The following CMSS1 variants were observed in gnomAD, a reference collection of about 807,000 sequenced individuals.
The protein encoded by CMSS1 is protein CMSS1.
Under a neutral mutation model 43.5 loss-of-function variants are expected in CMSS1, and 33 were observed. The ratio of observed to expected loss-of-function variants is 0.76; its 90% CI spans 0.57 to 1.01. CMSS1 has a LOEUF of 1.01. Ranked by LOEUF, CMSS1 falls within the 50% of genes least tolerant of loss-of-function variation. The probability of loss-of-function intolerance (pLI) is 0.00; values close to 1 mark genes in which losing one functional copy is unlikely to be tolerated. For missense variants in CMSS1, 313 were observed against 326.4 expected, an observed-to-expected ratio of 0.96 and a Z score of 0.32; for synonymous variants, 115 against 117.2, an observed-to-expected ratio of 0.98 and a Z score of 0.12.
intron 1 of CMSS1, among the ~76,000 whole-genome samples, chr3:100,033,265 G>C (rs887720549): frequency 3.3e-5 from 5 of 152,086 alleles, no homozygotes; most frequent in Admixed American, 1.3e-4. Flanking sequence ...TTCCAGGCAG[G>C]CTGCATCCTT....
chr3:100,116,473 G>A (rs1289574622), intron 1 of CMSS1, among the ~76,000 whole-genome samples: 1 of 152,026 alleles, frequency 6.6e-6, no homozygotes, highest in East Asian at 1.9e-4. Context: ...TAAGCATCTT[G>A]TACTTTCTGT....
At chr3:99,849,466 C>A (rs1368987126) in intron 1 of CMSS1, 1 of 1,613,784 alleles carries the variant, frequency 6.2e-7, no homozygotes, top group East Asian at 2.2e-5. Context: ...CTGGAGGTGA[C>A]ATATTAGGTC....
At chr3:99,870,875 C>G (rs1173117254) in intron 1 of CMSS1, among the ~76,000 whole-genome samples, 1 of 152,176 alleles carries the variant, frequency 6.6e-6, no homozygotes, top group African/African-American at 2.4e-5. Context: ...AGGCCTTCAC[C>G]TGAGGCACAG....
intron 1 of CMSS1, among the ~76,000 whole-genome samples, chr3:100,012,935 A>G (rs1259147839): frequency 1.3e-5 from 2 of 151,038 alleles, no homozygotes; most frequent in Admixed American, 6.6e-5. Context: ...ACCACACCCA[A>G]CCAATTTTTT....
intron 1 of CMSS1, among the ~76,000 whole-genome samples, chr3:99,989,677 TATA>T (rs1369430251): frequency 2.1e-5 from 3 of 142,822 alleles, no homozygotes; most frequent in East Asian, 2.0e-4. Context: ...TATATATATA[TATA>T]TATATTTTTT....
chr3:100,028,842 G>A (rs1022847911), intron 1 of CMSS1, among the ~76,000 whole-genome samples: 2 of 152,056 alleles, frequency 1.3e-5, no homozygotes, highest in Admixed American at 6.6e-5. Context: ...TCATTACTGT[G>A]AACTATTCAA....
chr3:100,021,900 G>A (rs931167687), intron 1 of CMSS1, among the ~76,000 whole-genome samples: 1 of 144,126 alleles, frequency 6.9e-6, no homozygotes, highest in Non-Finnish European at 1.5e-5. Context: ...AGAATAGCTT[G>A]GATGCTAGAT....
intron 1 of CMSS1, among the ~76,000 whole-genome samples, chr3:99,896,956 G>A (rs1420780467): frequency 6.6e-6 from 1 of 152,094 alleles, no homozygotes; most frequent in African/African-American, 2.4e-5. Flanking sequence ...ATTTTCAGTC[G>A]CAAAATTTAA....
At chr3:100,129,223 A>G (rs947118092) in intron 1 of CMSS1, among the ~76,000 whole-genome samples, 10 of 152,180 alleles carry the variant, frequency 6.6e-5, no homozygotes, top group Non-Finnish European at 1.5e-4. Context: ...CATCTTCTTC[A>G]TCTTTCCTCC....
rs114825797 is a variant in CMSS1, at chr3:99,930,737, A to T, written c.64+112694A>T. On this transcript the variant is annotated intron_variant, in intron 1 of 9. Transcript: ENST00000421999. ...AATTCACAAGCAGCCTTCTGTTTGA[A>T]GCATGATGGGGATAACTCCAACCCA... The T allele has an allele frequency of 1.7e-3, 2,752 of 1,606,516 alleles. 13 individuals are homozygous for T. In the African/African-American group the frequency reaches 0.018, roughly 11 times the overall value.
chr3:100,057,673 G>A (rs560091347), intron 1 of CMSS1, among the ~76,000 whole-genome samples: 1 of 152,182 alleles, frequency 6.6e-6, no homozygotes, highest in Non-Finnish European at 1.5e-5. Flanking sequence ...GGGACAGTTG[G>A]TTTCATGCAG....
intron 1 of CMSS1, among the ~76,000 whole-genome samples, chr3:99,923,901 C>T (rs116610290): frequency 1.8e-3 from 273 of 152,342 alleles, no homozygotes; most frequent in African/African-American, 4.2e-3. Context: ...TATACTAACA[C>T]ACTTATTTCA....
chr3:100,009,233 G>A lies in CMSS1; in HGVS notation c.65-137740G>A, dbSNP rs76911477. Among the ~76,000 whole-genome samples, 821 of 152,128 alleles carry A rather than the reference G, an allele frequency of 5.4e-3. 4 individuals are homozygous for A. The highest frequency in any genetic ancestry group is 9.8e-3 in the South Asian group (47 of 4,820). ...AAGAAATTCTTGGATTTTAACCTAC[G>A]GTATTATCAAGAATATAAGATCTAT... On this transcript the variant is annotated intron_variant, in intron 1 of 9. Transcript: ENST00000421999.
chr3:99,851,080 G>A (rs1447628945), intron 1 of CMSS1: 1 of 1,560,088 alleles, frequency 6.4e-7, no homozygotes, highest in African/African-American at 1.4e-5. Context: ...TCTGAAAAAT[G>A]TAAAGTGCAT....
intron 1 of CMSS1, among the ~76,000 whole-genome samples, chr3:99,977,000 A>G (rs1046366435): frequency 1.3e-5 from 2 of 152,202 alleles, no homozygotes; most frequent in East Asian, 1.9e-4. Flanking sequence ...ATTCTAGCCT[A>G]TGATCACCGT....
intron 7 of CMSS1, 69 bp from the exon 8 acceptor site, chr3:100,172,247 T>C (rs1199784088): frequency 3.7e-6 from 5 of 1,345,890 alleles, no homozygotes; most frequent in East Asian, 4.6e-5. Flanking sequence ...GATAAAATGT[T>C]CTAAATTGGT....
chr3:99,826,587 G>A (rs1024643478), intron 1 of CMSS1, among the ~76,000 whole-genome samples: 8 of 152,190 alleles, frequency 5.3e-5, no homozygotes, highest in Non-Finnish European at 8.8e-5. Flanking sequence ...ACCGCAGTTT[G>A]CAAACGCTGC....
chr3:99,985,936 T>C (rs1352922570), intron 1 of CMSS1, among the ~76,000 whole-genome samples: 1 of 152,052 alleles, frequency 6.6e-6, no homozygotes, highest in Admixed American at 6.6e-5. Flanking sequence ...TAAAACACAT[T>C]GGGGGTTAAA....
chr3:99,866,486 G>A (rs563293184), intron 1 of CMSS1, among the ~76,000 whole-genome samples: 1 of 152,338 alleles, frequency 6.6e-6, no homozygotes, highest in African/African-American at 2.4e-5. Context: ...AGGATGGATA[G>A]CAGCCTGAAG....
Sources: gnomAD v4.1 joint callset for allele counts (sites outside exome capture counted in the v4.1 genomes callset) on GRCh38, gnomAD v4.1.1 for gene constraint, MANE v1.5 for transcripts, NCBI Gene and HGNC (gene_info 2026-07-23, HGNC 2026-07-21) for gene names.